Variants in SLC23A2 observed in about 807,000 individuals in gnomAD.
The protein encoded by SLC23A2 is solute carrier family 23 member 2.
Under a neutral mutation model 73.3 loss-of-function variants are expected in SLC23A2, and 36 were observed. The ratio of observed to expected loss-of-function variants is 0.49; its 90% CI spans 0.38 to 0.65. SLC23A2 has a LOEUF of 0.65. Among genes scored for constraint, SLC23A2 ranks in the 30% least tolerant of loss-of-function variants. The pLI is 0.00. For synonymous variants in SLC23A2, 343 were observed against 327.3 expected (o/e 1.05, Z -0.52); for missense variants, 507 against 841.6 (o/e 0.60, Z 4.92).
rs1180090958 is a variant in SLC23A2, at chr20:4,854,922, A to G, written c.*2050T>C. ...AGCAGTTTTCCCCATTTTTCAGAGC[A>G]GAGAAACTGGAGATGTTGAGCAAAA... On this transcript the variant is annotated 3_prime_UTR_variant, in exon 17 of 17. Coordinates refer to ENST00000338244, the MANE Select transcript of SLC23A2 (RefSeq NM_005116.6). 3 of 152,524 alleles carry G rather than the reference A, an allele frequency of 2.0e-5. No homozygotes were observed. The East Asian group carries it at 5.8e-4, about 29-fold the overall frequency. The allele number at this position is 152,524 out of a possible 1,614,324, so 9.4% of individuals were successfully genotyped here.
chr20:5,005,982 G>A (rs140795574), upstream of SLC23A2, among the ~76,000 whole-genome samples: 3,261 of 150,228 alleles, frequency 0.022, 56 homozygotes, highest in Non-Finnish European at 0.034. Flanking sequence ...GCGAAACTCC[G>A]TCTCAAAAAA....
rs563977581 is a variant in SLC23A2, at chr20:5,001,107, C to A, written c.-282+299G>T. Among the ~76,000 whole-genome samples, 23 of 152,004 alleles carry A rather than the reference C, an allele frequency of 1.5e-4. 1 individual carries two copies. The highest frequency in any genetic ancestry group is 1.4e-3 in the South Asian group (7 of 4,828). ...CCGCTGCGCGGCCTGAGGGCCCGAG[C>A]GCGCTGTGGCTCCCGTGGCGGGAAG... On this transcript the variant is annotated intron_variant, in intron 1 of 16. Coordinates refer to ENST00000338244, the MANE Select transcript of SLC23A2 (RefSeq NM_005116.6).
rs535474866 is a variant in SLC23A2, at chr20:4,882,203, C to T, written c.824+1439G>A. Reference sequence around the variant, plus strand: ...ACCAGCCTGGCCAACATGGTGAAACCGTCTCTACTAAAAATACAAAAACTA... The same window carrying T: ...ACCAGCCTGGCCAACATGGTGAAACTGTCTCTACTAAAAATACAAAAACTA... On this transcript the variant is annotated intron_variant, in intron 9 of 16. Coordinates refer to ENST00000338244, the MANE Select transcript of SLC23A2 (RefSeq NM_005116.6). Among the ~76,000 whole-genome samples the T allele has an allele frequency of 4.8e-3, 735 of 152,066 alleles. 2 individuals are homozygous for T. Among genetic ancestry groups the T allele is most frequent in the Non-Finnish European group, 7.5e-3 (508 of 67,980 alleles).
chr20:4,942,684 G>A (rs1259057122), intron 2 of SLC23A2, among the ~76,000 whole-genome samples: 1 of 152,212 alleles, frequency 6.6e-6, no homozygotes, highest in Non-Finnish European at 1.5e-5. Flanking sequence ...CCCTCTCACT[G>A]TGGCTTAGCA....
intron 2 of SLC23A2, 123 bp from the exon 3 acceptor site, chr20:4,932,839 TAC>T: frequency 3.5e-6 from 1 of 282,874 alleles, no homozygotes; most frequent in Non-Finnish European, 6.6e-6. Flanking sequence ...ATCCAAAAAA[TAC>T]TTTACCTAAT....
At position 4,899,882 on chromosome 20, in the gene SLC23A2, T is replaced by C. The variant is rs1244983966; in HGVS notation, c.325-170A>G. On this transcript the variant is annotated intron_variant, in intron 5 of 16. Coordinates refer to ENST00000338244, the MANE Select transcript of SLC23A2 (RefSeq NM_005116.6). This position sits in a 1 kb window ranked among gnomAD's most constrained non-coding sequence, Gnocchi z 4.9. ...TTCCTTCTTTTTCAGTATTTCTCCTTTGTTGTTAAGACAGTTTCACTCCCA... is the reference window on the plus strand; with the variant it reads ...TTCCTTCTTTTTCAGTATTTCTCCTCTGTTGTTAAGACAGTTTCACTCCCA... 6.6e-6 allele frequency among the ~76,000 whole-genome samples: 1 copy of C among 152,220 alleles called. No homozygotes were observed. The highest frequency in any genetic ancestry group is 1.5e-5 in the Non-Finnish European group (1 of 68,044).
chr20:4,997,904 G>C (rs2088051200), intron 1 of SLC23A2, among the ~76,000 whole-genome samples: 1 of 152,102 alleles, frequency 6.6e-6, no homozygotes, highest in Non-Finnish European at 1.5e-5. Flanking sequence ...TTACAGGTGT[G>C]ACCAACAGTG....
intron 11 of SLC23A2, among the ~76,000 whole-genome samples, chr20:4,873,006 G>A (rs1050764928): frequency 5.3e-5 from 8 of 152,180 alleles, no homozygotes; most frequent in Non-Finnish European, 1.0e-4. Flanking sequence ...CTCCTGCCTC[G>A]GCCTCCCCAA....
rs1239166562 is a variant in SLC23A2 at position 4,883,513 on chromosome 20, C to T, written c.824+129G>A. 1.7e-5 allele frequency: 12 copies of T among 715,440 alleles called. No homozygotes were observed. The highest frequency in any genetic ancestry group is 9.2e-6 in the Non-Finnish European group (4 of 436,364). The allele number at this position is 715,440 out of a possible 1,614,324, so 44.3% of individuals were successfully genotyped here. A position where few individuals can be genotyped will look rare whatever the true frequency, so the allele number is the denominator to read the frequency against. ...CAAAAACCCTTCAACTATTCCCCAG[C>T]ACGAAGCAAATAAAGTTGAAACTGT... On this transcript the variant is annotated intron_variant, in intron 9 of 16. Coordinates refer to ENST00000338244, the MANE Select transcript of SLC23A2 (RefSeq NM_005116.6). The surrounding 1 kb of genome is among the most constrained non-coding windows in gnomAD (Gnocchi z 4.5).
intron 2 of SLC23A2, among the ~76,000 whole-genome samples, chr20:4,952,067 A>AC (rs1426026968): frequency 2.9e-5 from 4 of 139,720 alleles, no homozygotes; most frequent in Non-Finnish European, 6.0e-5. Flanking sequence ...TTGCACCACC[A>AC]CACTCCAGCC....
chr20:4,882,547 G>A (rs1044855945), intron 9 of SLC23A2, among the ~76,000 whole-genome samples: 24 of 151,874 alleles, frequency 1.6e-4, no homozygotes, highest in Admixed American at 9.2e-4. Context: ...TTATTTGTAC[G>A]TCATGTTCTA....
intron 2 of SLC23A2, among the ~76,000 whole-genome samples, chr20:4,957,200 AT>A (rs1007267305): frequency 6.6e-5 from 10 of 152,128 alleles, no homozygotes; most frequent in Non-Finnish European, 1.5e-5. Flanking sequence ...TATGCTTATA[AT>A]CCCAGTGCTT....
chr20:4,939,631 G>C (rs918791697), intron 2 of SLC23A2, among the ~76,000 whole-genome samples: 1 of 152,166 alleles, frequency 6.6e-6, no homozygotes, highest in African/African-American at 2.4e-5. Flanking sequence ...GCTAAAAATG[G>C]TTTTTACATG....
intron 1 of SLC23A2, among the ~76,000 whole-genome samples, chr20:5,006,924 A>G (rs1375729448): frequency 6.6e-6 from 1 of 150,914 alleles, no homozygotes; most frequent in Non-Finnish European, 1.5e-5. Context: ...GCTGCGTGGC[A>G]GGACCAAGAC....
At chr20:4,871,986 ATATATC>A (rs747951574) in intron 11 of SLC23A2, among the ~76,000 whole-genome samples, 9 of 151,986 alleles carry the variant, frequency 5.9e-5, no homozygotes, top group Non-Finnish European at 1.0e-4. Context: ...ATATATATCT[ATATATC>A]TATATCTATA....
At chr20:4,968,179 C>T (rs2087504249) in intron 2 of SLC23A2, among the ~76,000 whole-genome samples, 1 of 152,156 alleles carries the variant, frequency 6.6e-6, no homozygotes, top group South Asian at 2.1e-4. Context: ...AGCTCAAGGA[C>T]ACTGGAACTC....
At chr20:4,963,214 A>G (rs1314094426) in intron 2 of SLC23A2, among the ~76,000 whole-genome samples, 1 of 152,198 alleles carries the variant, frequency 6.6e-6, no homozygotes, top group Admixed American at 6.5e-5. Flanking sequence ...AGCAAGGAGC[A>G]CAATTCATGC....
At chr20:4,990,817 T>C (rs1313243103) in intron 1 of SLC23A2, among the ~76,000 whole-genome samples, 1 of 151,166 alleles carries the variant, frequency 6.6e-6, no homozygotes, top group African/African-American at 2.4e-5. Context: ...ACCCTGTCTT[T>C]ACTAAAAACA....
intron 1 of SLC23A2, among the ~76,000 whole-genome samples, chr20:5,000,706 G>A (rs1160668704): frequency 6.6e-6 from 1 of 152,094 alleles, no homozygotes; most frequent in Non-Finnish European, 1.5e-5. Flanking sequence ...CATCCAAGGG[G>A]GGGCATCTAG....
Sources: allele counts gnomAD v4.1 joint callset (sites outside exome capture counted in the v4.1 genomes callset), GRCh38; gene constraint gnomAD v4.1.1; non-coding constraint Gnocchi (gnomAD v3.1); transcripts MANE v1.5; gene names NCBI Gene and HGNC (gene_info 2026-07-23, HGNC 2026-07-21).